PLCE1: variants seen among roughly 807,000 people sequenced by gnomAD.
PLCE1 encodes the protein phospholipase C epsilon 1.
Under a neutral mutation model 242.8 loss-of-function variants are expected in PLCE1, and 119 were observed. That is an observed-to-expected ratio of 0.49 (90% CI 0.42 to 0.57). The LOEUF (loss-of-function observed/expected upper bound fraction) is 0.57, where lower values mean the gene tolerates loss of function less well. Among genes scored for constraint, PLCE1 ranks in the 20% least tolerant of loss-of-function variants. The pLI is 0.00. For missense variants in PLCE1, 2,441 were observed against 2,788.8 expected (o/e 0.88, Z 2.81); for synonymous variants, 945 against 1,017.4 (o/e 0.93, Z 1.35).
intron 4 of PLCE1, among the ~76,000 whole-genome samples, chr10:94,208,712 A>G (rs920997854): frequency 6.6e-6 from 1 of 152,250 alleles, no homozygotes; most frequent in African/African-American, 2.4e-5. Context: ...GATCTACTGA[A>G]TTAGACACTA....
chr10:94,079,165 C>T (rs1680318605), intron 2 of PLCE1, among the ~76,000 whole-genome samples: 1 of 152,140 alleles, frequency 6.6e-6, no homozygotes, highest in Non-Finnish European at 1.5e-5. Flanking sequence ...CAAGGGGCTA[C>T]ACTTGGACTT....
intron 7 of PLCE1, among the ~76,000 whole-genome samples, chr10:94,244,666 G>A (rs546081005): frequency 1.3e-5 from 2 of 152,222 alleles, no homozygotes; most frequent in African/African-American, 2.4e-5. Context: ...TCTGGCCACC[G>A]TGACCATATT....
chr10:94,217,706 C>G (rs1036209230), intron 4 of PLCE1, among the ~76,000 whole-genome samples: 2 of 152,168 alleles, frequency 1.3e-5, no homozygotes, highest in Non-Finnish European at 2.9e-5. Context: ...GATTTTAAAA[C>G]AGTAAATAAC....
At chr10:94,053,499 G>A (rs1207148649) in intron 2 of PLCE1, among the ~76,000 whole-genome samples, 1 of 152,130 alleles carries the variant, frequency 6.6e-6, no homozygotes, top group Non-Finnish European at 1.5e-5. Context: ...ATTTATAGTC[G>A]GTTGCCCCTC....
intron 2 of PLCE1, chr10:94,089,092 T>C: frequency 6.2e-7 from 1 of 1,613,432 alleles, no homozygotes; most frequent in Non-Finnish European, 8.5e-7. Context: ...GTCGTGGTGA[T>C]TAATGGTTTC....
At chr10:94,017,105 C>T (rs1195845938) in intron 1 of PLCE1, among the ~76,000 whole-genome samples, 3 of 152,108 alleles carry the variant, frequency 2.0e-5, no homozygotes, top group Non-Finnish European at 4.4e-5. Flanking sequence ...GTAGCCCCAC[C>T]CCCAACCCCC....
chr10:94,197,939 C>A (rs978717509), intron 4 of PLCE1, among the ~76,000 whole-genome samples: 1 of 128,974 alleles, frequency 7.8e-6, no homozygotes, highest in African/African-American at 3.0e-5. Flanking sequence ...GCCAAGATTG[C>A]ACCATTGCAC....
chr10:94,045,651 G>A (rs980202094), intron 2 of PLCE1, among the ~76,000 whole-genome samples: 13 of 152,202 alleles, frequency 8.5e-5, no homozygotes, highest in African/African-American at 3.1e-4. Flanking sequence ...TAGGTTCTCT[G>A]TTGATGTTGG....
At chr10:94,162,442 A>G (rs569081587) in intron 3 of PLCE1, among the ~76,000 whole-genome samples, 76 of 152,262 alleles carry the variant, frequency 5.0e-4, no homozygotes, top group African/African-American at 1.7e-3. Flanking sequence ...GTTTATTTGC[A>G]TAGAGGTGTT....
At chr10:93,996,132 TGC>T (rs909492293) in intron 1 of PLCE1, among the ~76,000 whole-genome samples, 6 of 99,404 alleles carry the variant, frequency 6.0e-5, no homozygotes, top group Non-Finnish European at 8.9e-5. Flanking sequence ...TGTGTGTGTG[TGC>T]GCGCGCGTGT....
chr10:94,073,398 T>G (rs910137982), intron 2 of PLCE1, among the ~76,000 whole-genome samples: 2 of 152,168 alleles, frequency 1.3e-5, no homozygotes, highest in African/African-American at 4.8e-5. Context: ...GACTGGAAAT[T>G]GTCAGGAATG....
chr10:94,071,942 G>T (rs2044373585), intron 2 of PLCE1, among the ~76,000 whole-genome samples: 1 of 151,940 alleles, frequency 6.6e-6, no homozygotes, highest in Non-Finnish European at 1.5e-5. Context: ...TTGCATTGAG[G>T]AGCTGAAAAA....
rs562259431 is a variant in PLCE1, at chr10:94,132,161, G to A, written c.1207-13G>A. On this transcript the variant is annotated splice_polypyrimidine_tract_variant and intron_variant, in intron 2 of 32. Transcript: ENST00000371380. The stretch of plus-strand genomic sequence containing the variant: ...ACTAGATTAATACTTCCTGTACTTT[G>A]TGCTATTCACAGATCTACAATGCAG... 26 of 1,612,442 alleles carry A rather than the reference G, an allele frequency of 1.6e-5. No homozygotes were observed. In the East Asian group the frequency reaches 4.0e-4, roughly 25 times the overall value.
intron 11 of PLCE1, among the ~76,000 whole-genome samples, chr10:94,255,400 A>G (rs2132873656): frequency 6.6e-6 from 1 of 152,332 alleles, no homozygotes; most frequent in African/African-American, 2.4e-5. Flanking sequence ...CACAGTAGTG[A>G]CATTTCAAGT....
Position 94,282,349 on chromosome 10 carries a change from A to C in PLCE1, c.4796-1441A>C, listed in dbSNP as rs181474234. The stretch of plus-strand genomic sequence containing the variant: ...TTGTAACTCTGCCTTTTGGGTAATA[A>C]ATTCTTAATATTTTTCTCCCAACCT... On this transcript the variant is annotated intron_variant, in intron 20 of 32. Transcript: ENST00000371380. Among the ~76,000 whole-genome samples, 332 of 152,170 alleles carry C rather than the reference A, an allele frequency of 2.2e-3. 2 individuals are homozygous for C. Among genetic ancestry groups the C allele is most frequent in the Admixed American group, 5.5e-3 (84 of 15,262 alleles).
At chr10:94,035,181 A>G (rs1473208107) in intron 2 of PLCE1, among the ~76,000 whole-genome samples, 1 of 152,244 alleles carries the variant, frequency 6.6e-6, no homozygotes. Context: ...GGTTTAAAAA[A>G]TCATGTACAC....
At chr10:94,108,052 A>G (rs2045821001) in intron 2 of PLCE1, among the ~76,000 whole-genome samples, 1 of 152,172 alleles carries the variant, frequency 6.6e-6, no homozygotes, top group Non-Finnish European at 1.5e-5. Flanking sequence ...TCTCAATTCC[A>G]TAGCACAAGC....
intron 2 of PLCE1, 113 bp downstream of exon 2, chr10:94,032,365 T>G (rs2061577259): frequency 1.0e-6 from 1 of 976,446 alleles, no homozygotes; most frequent in African/African-American, 1.6e-5. Flanking sequence ...TGTCAAATTA[T>G]GATTCTTAGG....
intron 2 of PLCE1, among the ~76,000 whole-genome samples, chr10:94,046,894 T>C (rs1564645840): frequency 6.6e-6 from 1 of 152,242 alleles, no homozygotes; most frequent in Non-Finnish European, 1.5e-5. Context: ...TGTTAACATA[T>C]GTTAACAAAC....
Sources: gnomAD v4.1 joint callset for allele counts (sites outside exome capture counted in the v4.1 genomes callset) on GRCh38, gnomAD v4.1.1 for gene constraint, MANE v1.5 for transcripts, NCBI Gene and HGNC (gene_info 2026-07-23, HGNC 2026-07-21) for gene names.